The following CD3G variants were observed in gnomAD, a reference collection of about 807,000 sequenced individuals.
The protein encoded by CD3G is CD3 gamma subunit of T-cell receptor complex, also known as T-cell surface glycoprotein CD3 gamma chain.
Under a neutral mutation model 28.3 loss-of-function variants are expected in CD3G, and 24 were observed. The observed-to-expected ratio is 0.85, with a 90% CI of 0.61 to 1.19. The LOEUF (loss-of-function observed/expected upper bound fraction) is 1.19. Ranked by LOEUF, CD3G falls within the 50% of genes most tolerant of loss-of-function variation. The pLI, the probability that CD3G is intolerant of heterozygous loss-of-function variation, is 0.00. For missense variants in CD3G, 211 were observed against 210.0 expected, an observed-to-expected ratio of 1.00 and a Z score of -0.03; for synonymous variants, 71 against 75.9, an observed-to-expected ratio of 0.93 and a Z score of 0.34.
At chr11:118,344,500 G>A (rs776993949) in intron 1 of CD3G, 22 bp downstream of exon 1, 6 of 1,546,710 alleles carry the variant, frequency 3.9e-6, no homozygotes, top group Admixed American at 1.9e-5. Context: ...CTAGGGGTCT[G>A]GAAGCCTGGG....
chr11:118,349,522 C>G, intron 2 of CD3G: 2 of 625,280 alleles, frequency 3.2e-6, no homozygotes. Flanking sequence ...TTCTTCACCC[C>G]CTGACGCAGA....
At chr11:118,349,385 T>C in intron 2 of CD3G, 1 of 992,766 alleles carries the variant, frequency 1.0e-6, no homozygotes. Context: ...AGTTCATCTA[T>C]TCTACCCAAA....
rs764084817 is a variant in CD3G, at chr11:118,352,417, G to A, written c.497G>A (p.Arg166Gln). The A allele has an allele frequency of 4.8e-5, 78 of 1,613,848 alleles. No homozygotes were observed. The highest frequency in any genetic ancestry group is 6.4e-5 in the Non-Finnish European group (75 of 1,179,940). Residue 166 changes from arginine to glutamine, a missense_variant, in exon 6 of 7, where the codon CGA becomes CAA. Coordinates refer to ENST00000532917, the MANE Select transcript of CD3G (RefSeq NM_000073.3). The part of the protein sequence containing the change: ...NDQLYQPLKD[R>Q]EDDQYSHLQG... ...TGTCCTTTCCAGCCCCTCAAGGATC[G>A]AGAAGATGACCAGTACAGCCACCTT... is the stretch of plus-strand genomic sequence containing the variant.
intron 4 of CD3G, chr11:118,350,914 C>T (rs1334153460): frequency 8.4e-6 from 9 of 1,077,316 alleles, no homozygotes; most frequent in Non-Finnish European, 1.1e-5. Context: ...CAAAAACAGG[C>T]GCAGTGGCTC....
At chr11:118,352,625 T>C in intron 6 of CD3G, 138 bp downstream of exon 6, 1 of 706,328 alleles carries the variant, frequency 1.4e-6, no homozygotes, top group Non-Finnish European at 2.5e-6. Flanking sequence ...TGGTTTGGGG[T>C]ACTCTTTTCT....
At chr11:118,350,212 T>TAA (rs1159754967) in intron 3 of CD3G, 3 of 582,352 alleles carry the variant, frequency 5.2e-6, no homozygotes, top group Admixed American at 5.9e-5. Context: ...TTCAAGCAAT[T>TAA]CAGCACTGAG....
chr11:118,354,629 A>G lies in CD3G; in HGVS notation c.*1529A>G, dbSNP rs1259695048. 2 of 151,962 alleles carry G rather than the reference A, an allele frequency of 1.3e-5. No homozygotes were observed. Among genetic ancestry groups the G allele is most frequent in the African/African-American group, 4.8e-5 (2 of 41,368 alleles). The allele number at this position is 151,962 out of a possible 1,614,324, so 9.4% of individuals were successfully genotyped here. A position where few individuals can be genotyped will look rare whatever the true frequency, so the allele number is the denominator to read the frequency against. ...GATTACAGGTGTGAGCCACCGCGCC[A>G]GGCCCGTAACTGTATTTTAATATAG... On this transcript the variant is annotated 3_prime_UTR_variant, in exon 7 of 7. Coordinates refer to ENST00000532917, the MANE Select transcript of CD3G (RefSeq NM_000073.3).
At chr11:118,350,298 A>G (rs1275744478) in intron 3 of CD3G, 1 of 580,178 alleles carries the variant, frequency 1.7e-6, no homozygotes, top group Non-Finnish European at 3.1e-6. Context: ...GTGGAGCATG[A>G]AGAGTATCTA....
chr11:118,345,406 A>C (rs962808083), intron 1 of CD3G, among the ~76,000 whole-genome samples: 1 of 152,216 alleles, frequency 6.6e-6, no homozygotes, highest in Non-Finnish European at 1.5e-5. Context: ...AATATGCATC[A>C]TGGGTGATTT....
At position 118,349,748 on chromosome 11, in the gene CD3G, C is replaced by A; in HGVS notation, c.85C>A (p.His29Asn). ...CACGGCTTTTCTCATTTCAGGAAACCACTTGGTTAAGGTGTATGACTATCA... is the reference window on the plus strand; with the variant it reads ...CACGGCTTTTCTCATTTCAGGAAACAACTTGGTTAAGGTGTATGACTATCA... The part of the protein sequence containing the change: ...GTLAQSIKGN[H>N]LVKVYDYQED... The change falls in exon 3 of 7, where the codon CAC (histidine) becomes AAC (asparagine). Residue 29 changes from histidine (H) to asparagine (N), a missense_variant. By Grantham distance (68) the His-to-Asn change is moderately conservative. Transcript: ENST00000532917. 1.2e-6 allele frequency: 2 copies of A among 1,612,894 alleles called. No homozygotes were observed. The highest frequency in any genetic ancestry group is 1.7e-6 in the Non-Finnish European group (2 of 1,178,960).
rs1318306842 is a variant in CD3G, at chr11:118,353,169, G to C, written c.*69G>C. 1 of 152,768 alleles carries C rather than the reference G, an allele frequency of 6.5e-6. No homozygotes were observed. Among genetic ancestry groups the C allele is most frequent in the Non-Finnish European group, 1.5e-5 (1 of 68,538 alleles). The allele number at this position is 152,768 out of a possible 1,614,324, so 9.5% of individuals were successfully genotyped here. The stretch of plus-strand genomic sequence containing the variant: ...TCCCAGAATCAAAGCAATGCATTTT[G>C]GAAAGCTCCTAGCAGAGAGACTTTC... On this transcript the variant is annotated 3_prime_UTR_variant, in exon 7 of 7. Transcript: ENST00000532917.
At chr11:118,350,877 A>C in intron 4 of CD3G, 194 bp downstream of exon 4, 2 of 1,178,890 alleles carry the variant, frequency 1.7e-6, no homozygotes, top group Non-Finnish European at 1.1e-6. Flanking sequence ...CTCAAGATAC[A>C]GCTCCCTCTG....
chr11:118,346,910 G>A (rs183375413), intron 1 of CD3G, among the ~76,000 whole-genome samples: 4 of 151,436 alleles, frequency 2.6e-5, no homozygotes, highest in East Asian at 1.9e-4. Flanking sequence ...GTCTTCTCTC[G>A]GTCTTCTGAC....
At chr11:118,348,744 G>A (rs1337743476) in intron 1 of CD3G, among the ~76,000 whole-genome samples, 1 of 152,126 alleles carries the variant, frequency 6.6e-6, no homozygotes, top group Non-Finnish European at 1.5e-5. Context: ...TATGGTCTAA[G>A]GATCCACCAC....
In CD3G at chr11:118,354,164, T is replaced by C. The variant is rs867091559; in HGVS notation, c.*1064T>C. Reference sequence around the variant, plus strand: ...TAAAAATAATTGCATTGAAGCATAATGTACATGCCATAAAATCCACCCATC... The same window carrying C: ...TAAAAATAATTGCATTGAAGCATAACGTACATGCCATAAAATCCACCCATC... On this transcript the variant is annotated 3_prime_UTR_variant, in exon 7 of 7. Transcript: ENST00000532917. 2.6e-5 allele frequency: 4 copies of C among 152,310 alleles called. No individual in the cohort carries two copies. Among genetic ancestry groups the C allele is most frequent in the African/African-American group, 7.2e-5 (3 of 41,584 alleles). The allele number at this position is 152,310 out of a possible 1,614,324, so 9.4% of individuals were successfully genotyped here.
Position 118,352,460 on chromosome 11 carries a change from G to A in CD3G, c.540G>A (p.Arg180=), listed in dbSNP as rs369517664. The change falls in exon 6 of 7, where the codon AGG becomes AGA. Residue 180 remains arginine, a synonymous_variant. Coordinates refer to ENST00000532917, the MANE Select transcript of CD3G (RefSeq NM_000073.3). ...GCCACCTTCAAGGAAACCAGTTGAGGAGGAATTGAACTCAGGACTCAGAGT... is the reference window on the plus strand; with the variant it reads ...GCCACCTTCAAGGAAACCAGTTGAGAAGGAATTGAACTCAGGACTCAGAGT... The part of the protein sequence containing the change: ...QYSHLQGNQL[R]RN The A allele has an allele frequency of 9.3e-6, 15 of 1,613,714 alleles. No individual in the cohort carries two copies. Among genetic ancestry groups the A allele is most frequent in the Non-Finnish European group, 1.3e-5 (15 of 1,179,812 alleles).
Position 118,354,730 on chromosome 11 carries a change from T to A in CD3G, c.*1630T>A, listed in dbSNP as rs1204865333. The A allele has an allele frequency of 6.6e-6, 1 of 152,142 alleles. No individual in the cohort carries two copies. The highest frequency in any genetic ancestry group is 6.6e-5 in the Admixed American group (1 of 15,260). The allele number at this position is 152,142 out of a possible 1,614,324, so 9.4% of individuals were successfully genotyped here. A position where few individuals can be genotyped will look rare whatever the true frequency, so the allele number is the denominator to read the frequency against. On this transcript the variant is annotated 3_prime_UTR_variant, in exon 7 of 7. Transcript: ENST00000532917. Reference sequence around the variant, plus strand: ...CCCTAGATACTAACCATGCTGAGTGTCCTGTCTTGTGTTTATTAACCATTC... The same window carrying A: ...CCCTAGATACTAACCATGCTGAGTGACCTGTCTTGTGTTTATTAACCATTC...
Position 118,354,045 on chromosome 11 carries a change from TTATC to T in CD3G, c.*950_*953del, listed in dbSNP as rs1206260176. ...AATAGACTATGATTTATTTAACCTGTTATCTATCAGTGGATATTTAAGTTGGTAG... is the reference window on the plus strand; with the variant it reads ...AATAGACTATGATTTATTTAACCTGTTATCAGTGGATATTTAAGTTGGTAG... On this transcript the variant is annotated 3_prime_UTR_variant, in exon 7 of 7. Coordinates refer to ENST00000532917, the MANE Select transcript of CD3G (RefSeq NM_000073.3). The T allele has an allele frequency of 6.6e-6, 1 of 152,322 alleles. No individual in the cohort carries two copies. Among genetic ancestry groups the T allele is most frequent in the Non-Finnish European group, 1.5e-5 (1 of 68,026 alleles). 9.4% of individuals were successfully genotyped at this position (152,322 alleles called of 1,614,324 possible).
rs35577555 is a variant in CD3G at position 118,353,524 on chromosome 11, CTTTTTTTTTTT to C, written c.*440_*450del. ...CCTCTTCAGAGACAAATTAGTTTCT[CTTTTTTTTTTT>C]TTTTTTTTTTTTTTTGAGACAGTCT... On this transcript the variant is annotated 3_prime_UTR_variant, in exon 7 of 7. Transcript: ENST00000532917. 1.2e-5 allele frequency: 1 copy of C among 80,784 alleles called. No homozygotes were observed. The highest frequency in any genetic ancestry group is 2.4e-5 in the Non-Finnish European group (1 of 41,182). 5.0% of individuals were successfully genotyped at this position (80,784 alleles called of 1,614,324 possible).
Sources: gnomAD v4.1 joint callset for allele counts (sites outside exome capture counted in the v4.1 genomes callset) on GRCh38, gnomAD v4.1.1 for gene constraint, MANE v1.5 for transcripts, NCBI Gene and HGNC (gene_info 2026-07-23, HGNC 2026-07-21) for gene names.